LSM14A: variants seen among roughly 807,000 people sequenced by gnomAD.
LSM14A encodes protein LSM14 homolog A.
A neutral mutation model predicts 52.4 loss-of-function variants in LSM14A; 14 were observed. The observed-to-expected ratio is 0.27, with a 90% CI of 0.18 to 0.42. The LOEUF (loss-of-function observed/expected upper bound fraction) is 0.42, where lower values mean the gene tolerates loss of function less well. Among genes scored for constraint, LSM14A ranks in the 10% least tolerant of loss-of-function variants. The probability of loss-of-function intolerance (pLI) is 1.00; values close to 1 mark genes in which losing one functional copy is unlikely to be tolerated. For missense variants in LSM14A, 417 were observed against 581.8 expected, an observed-to-expected ratio of 0.72 and a Z score of 2.91; for synonymous variants, 185 against 200.3, an observed-to-expected ratio of 0.92 and a Z score of 0.64.
At chr19:34,192,313 T>TTTGTTGTTG (rs1277579230) in intron 1 of LSM14A, among the ~76,000 whole-genome samples, 33 of 100,268 alleles carry the variant, frequency 3.3e-4, no homozygotes, top group South Asian at 1.4e-3. Context: ...TAACATTCTT[T>TTTGTTGTTG]TTGTTGTTTT....
Position 34,194,602 on chromosome 19 carries a change from A to G in LSM14A, c.246A>G (p.Lys82=). 1.2e-6 allele frequency: 2 copies of G among 1,614,188 alleles called. No homozygotes were observed. Among genetic ancestry groups the G allele is most frequent in the Non-Finnish European group, 1.7e-6 (2 of 1,180,034 alleles). ...IKDLTVCEPP[K]PQCSLPQDPA... ...ACCTTACTGTTTGTGAGCCACCAAA[A>G]CCACAGTGTTCTTTGCCTCAAGACC... Residue 82 remains lysine, a synonymous_variant, in exon 2 of 10, where the codon AAA becomes AAG. Coordinates refer to ENST00000544216, the MANE Select transcript of LSM14A (RefSeq NM_015578.4).
At chr19:34,203,674 G>A (rs951938524) in intron 3 of LSM14A, among the ~76,000 whole-genome samples, 5 of 151,708 alleles carry the variant, frequency 3.3e-5, no homozygotes, top group African/African-American at 1.2e-4. Flanking sequence ...TTGGTGGCGT[G>A]CGCCTGTAAT....
chr19:34,191,374 G>A (rs761755508), intron 1 of LSM14A, among the ~76,000 whole-genome samples: 2 of 151,130 alleles, frequency 1.3e-5, no homozygotes, highest in Non-Finnish European at 3.0e-5. Flanking sequence ...TCCTATCAGG[G>A]CAAACTGCTG....
In LSM14A at chr19:34,183,559, T is replaced by A. The variant is rs564412334; in HGVS notation, c.121+10796T>A. Among the ~76,000 whole-genome samples, 1,461 of 151,072 alleles carry A rather than the reference T, an allele frequency of 9.7e-3. 33 individuals are homozygous for A. The highest frequency in any genetic ancestry group is 0.033 in the African/African-American group (1,348 of 41,118). The stretch of plus-strand genomic sequence containing the variant: ...GAGCGAGTTCGTCTCAAAAAAAAAA[T>A]AAATAAATAAATAAACCCATAAAGG... On this transcript the variant is annotated intron_variant, in intron 1 of 9. Coordinates refer to ENST00000544216, the MANE Select transcript of LSM14A (RefSeq NM_015578.4).
At chr19:34,226,444 G>T in intron 9 of LSM14A, 4 of 1,444,900 alleles carry the variant, frequency 2.8e-6, no homozygotes, top group Non-Finnish European at 3.6e-6. Flanking sequence ...GGTCTGGATT[G>T]ATCGTACTGC....
chr19:34,191,532 C>G (rs2145609879), intron 1 of LSM14A, among the ~76,000 whole-genome samples: 1 of 152,002 alleles, frequency 6.6e-6, no homozygotes, highest in East Asian at 1.9e-4. Flanking sequence ...TTCTTCCCTT[C>G]TTTCCATCTT....
chr19:34,218,354 T>C (rs1439013160), intron 6 of LSM14A, among the ~76,000 whole-genome samples: 2 of 152,202 alleles, frequency 1.3e-5, no homozygotes, highest in Non-Finnish European at 2.9e-5. Context: ...TTCTGGCTTG[T>C]GGCCGAGGCA....
intron 3 of LSM14A, 46 bp from the exon 4 acceptor site, chr19:34,208,883 A>G: frequency 1.4e-6 from 2 of 1,408,224 alleles, no homozygotes; most frequent in Non-Finnish European, 9.6e-7. Flanking sequence ...GAATAATGTC[A>G]AACATTTTTT....
At chr19:34,216,781 C>G (rs1316155514) in intron 6 of LSM14A, among the ~76,000 whole-genome samples, 1 of 152,086 alleles carries the variant, frequency 6.6e-6, no homozygotes, top group Non-Finnish European at 1.5e-5. Context: ...TTAATATGTT[C>G]TTGAGTATTT....
intron 9 of LSM14A, among the ~76,000 whole-genome samples, chr19:34,222,643 T>A (rs1363211029): frequency 6.6e-6 from 1 of 152,184 alleles, no homozygotes; most frequent in Non-Finnish European, 1.5e-5. Flanking sequence ...ATTGTTGAGA[T>A]CTCTCTGGAA....
At chr19:34,208,682 G>GT (rs1346716866) in intron 3 of LSM14A, 1 of 348,362 alleles carries the variant, frequency 2.9e-6, no homozygotes, top group Non-Finnish European at 5.3e-6. Context: ...CACTCCATGT[G>GT]TTATAAACAT....
intron 9 of LSM14A, among the ~76,000 whole-genome samples, chr19:34,225,055 T>C (rs144460048): frequency 3.7e-4 from 57 of 152,362 alleles, no homozygotes; most frequent in African/African-American, 1.3e-3. Flanking sequence ...TTTTTGTATT[T>C]AGTTTTGTTC....
chr19:34,210,255 T>G (rs918667183), intron 4 of LSM14A, among the ~76,000 whole-genome samples: 1 of 152,100 alleles, frequency 6.6e-6, no homozygotes, highest in African/African-American at 2.4e-5. Context: ...CTCATATTGA[T>G]TAGCTTAATT....
chr19:34,219,624 T>TC, intron 7 of LSM14A, 51 bp downstream of exon 7: 2 of 1,567,476 alleles, frequency 1.3e-6, no homozygotes, highest in Non-Finnish European at 1.7e-6. Context: ...ATCTGTGAAT[T>TC]ACAGATGTTT....
chr19:34,199,533 T>C (rs947242972), intron 3 of LSM14A, among the ~76,000 whole-genome samples: 3 of 152,124 alleles, frequency 2.0e-5, no homozygotes, highest in African/African-American at 7.2e-5. Context: ...ACGGAAGATA[T>C]AAATATGGAA....
chr19:34,183,834 TTATTAAC>T (rs1373660979), intron 1 of LSM14A, among the ~76,000 whole-genome samples: 18 of 152,140 alleles, frequency 1.2e-4, no homozygotes, highest in Non-Finnish European at 1.9e-4. Flanking sequence ...TAAGTTTAAC[TTATTAAC>T]TTTTAACTTT....
At chr19:34,222,138 TC>T (rs1206436889) in intron 9 of LSM14A, among the ~76,000 whole-genome samples, 1 of 152,256 alleles carries the variant, frequency 6.6e-6, no homozygotes, top group Non-Finnish European at 1.5e-5. Context: ...TGAGGTAGGT[TC>T]TATTATTATC....
intron 1 of LSM14A, among the ~76,000 whole-genome samples, chr19:34,174,526 G>C (rs1446438571): frequency 6.6e-6 from 1 of 152,200 alleles, no homozygotes; most frequent in Non-Finnish European, 1.5e-5. Context: ...TAAAACACCT[G>C]TAGACTTGGC....
intron 4 of LSM14A, among the ~76,000 whole-genome samples, chr19:34,214,918 T>A (rs536454449): frequency 3.7e-4 from 56 of 152,082 alleles, no homozygotes; most frequent in Middle Eastern, 3.4e-3. Context: ...AGTTTTTTTT[T>A]AAATTATTAT....
Sources: allele counts gnomAD v4.1 joint callset (sites outside exome capture counted in the v4.1 genomes callset), GRCh38; gene constraint gnomAD v4.1.1; transcripts MANE v1.5; gene names NCBI Gene and HGNC (gene_info 2026-07-23, HGNC 2026-07-21).